Variants in ATP11A observed in about 807,000 individuals in gnomAD.
The protein encoded by ATP11A is ATPase phospholipid transporting 11A, also known as phospholipid-transporting ATPase IH.
ATP11A carries 81 observed loss-of-function variants against 154.4 expected under a neutral mutation model. That is an observed-to-expected ratio of 0.52 (90% CI 0.44 to 0.63). The LOEUF (loss-of-function observed/expected upper bound fraction) is 0.63, where lower values mean the gene tolerates loss of function less well. Ranked by LOEUF, ATP11A falls within the 30% of genes least tolerant of loss-of-function variation. The pLI is 0.00. For missense variants in ATP11A, 1,316 were observed against 1,474.3 expected, an observed-to-expected ratio of 0.89 and a Z score of 1.76; for synonymous variants, 623 against 585.9, an observed-to-expected ratio of 1.06 and a Z score of -0.91.
At chr13:112,845,560 A>T (rs1390639456) in intron 17 of ATP11A, among the ~76,000 whole-genome samples, 14 of 111,870 alleles carry the variant, frequency 1.3e-4, no homozygotes, top group African/African-American at 5.7e-4. Flanking sequence ...AGCGGTACTA[A>T]CCAGTCCAGT....
intron 1 of ATP11A, among the ~76,000 whole-genome samples, chr13:112,740,144 CTCTCTATA>C (rs1195766881): frequency 1.0e-3 from 109 of 107,310 alleles, no homozygotes; most frequent in African/African-American, 3.5e-3. Flanking sequence ...CTCTCTCTCT[CTCTCTATA>C]TATATATATA....
intron 2 of ATP11A, among the ~76,000 whole-genome samples, chr13:112,796,890 G>A (rs2078013428): frequency 6.6e-6 from 1 of 152,112 alleles, no homozygotes; most frequent in Admixed American, 6.5e-5. Flanking sequence ...CTTGAGACAT[G>A]TCCATAGAAA....
chr13:112,840,661 G>T (rs2079387176), intron 16 of ATP11A, among the ~76,000 whole-genome samples: 1 of 151,754 alleles, frequency 6.6e-6, no homozygotes, highest in South Asian at 2.1e-4. Context: ...ATCCTCTCTG[G>T]CTGCAGGTTG....
intron 1 of ATP11A, among the ~76,000 whole-genome samples, chr13:112,777,280 A>G (rs1379823221): frequency 2.0e-5 from 3 of 152,086 alleles, no homozygotes; most frequent in Admixed American, 6.6e-5. Flanking sequence ...AAAAATAACT[A>G]AGGCTGGGCA....
chr13:112,781,974 C>T (rs1450571796), intron 1 of ATP11A, among the ~76,000 whole-genome samples: 10 of 152,146 alleles, frequency 6.6e-5, no homozygotes, highest in Admixed American at 5.2e-4. Flanking sequence ...GTTATGCTGA[C>T]GAGGCCATCA....
At chr13:112,760,140 G>A (rs2076931349) in intron 1 of ATP11A, among the ~76,000 whole-genome samples, 2 of 152,206 alleles carry the variant, frequency 1.3e-5, no homozygotes, top group Non-Finnish European at 2.9e-5. Context: ...TAAACAAAAC[G>A]TGAGTCTTTT....
rs144987655 is a variant in ATP11A, at chr13:112,773,957, C to T, written c.40-11178C>T. 1.6e-3 allele frequency among the ~76,000 whole-genome samples: 243 copies of T among 152,144 alleles called. 2 individuals carry two copies. The highest frequency in any genetic ancestry group is 8.7e-3 in the South Asian group (42 of 4,826). On this transcript the variant is annotated intron_variant, in intron 1 of 29. Transcript: ENST00000375645. ...GCTGCCTTGGGAAGAGAAGGGGTCCCGGAGGAACTCACAGAGCGGTGGAAG... is the reference window on the plus strand; with the variant it reads ...GCTGCCTTGGGAAGAGAAGGGGTCCTGGAGGAACTCACAGAGCGGTGGAAG...
At chr13:112,742,413 G>A (rs1891657300) in intron 1 of ATP11A, among the ~76,000 whole-genome samples, 1 of 152,308 alleles carries the variant, frequency 6.6e-6, no homozygotes, top group East Asian at 1.9e-4. Context: ...GTCTCTGTGG[G>A]AGACTGGGGT....
At chr13:112,842,043 G>A (rs1488397755) in intron 16 of ATP11A, among the ~76,000 whole-genome samples, 1 of 152,180 alleles carries the variant, frequency 6.6e-6, no homozygotes, top group African/African-American at 2.4e-5. Context: ...TCTTTTCCTC[G>A]TTCCTGCCTC....
At chr13:112,874,707 T>A (rs1199178674) in intron 27 of ATP11A, among the ~76,000 whole-genome samples, 1 of 152,168 alleles carries the variant, frequency 6.6e-6, no homozygotes, top group Non-Finnish European at 1.5e-5. Flanking sequence ...TGGCCCCAAG[T>A]TGCATTACAC....
At chr13:112,801,496 A>G (rs1340908507) in intron 2 of ATP11A, among the ~76,000 whole-genome samples, 1 of 152,260 alleles carries the variant, frequency 6.6e-6, no homozygotes, top group Non-Finnish European at 1.5e-5. Flanking sequence ...AGGAAGGAAT[A>G]AGACTATCTT....
rs997078364 is a variant in ATP11A, at chr13:112,852,790, G to C, written c.1992-1489G>C. Among the ~76,000 whole-genome samples the C allele has an allele frequency of 1.2e-4, 18 of 147,586 alleles. No homozygotes were observed. The East Asian group carries it at 3.1e-3, about 25-fold the overall frequency. On this transcript the variant is annotated intron_variant, in intron 18 of 29. Coordinates refer to ENST00000375645, the MANE Select transcript of ATP11A (RefSeq NM_015205.3). ...GAGAGTTAATGCCTGGTTGGCGGGG[G>C]GGGATCTCAGTGGCTTTTTCGTGAT... is the stretch of plus-strand genomic sequence containing the variant.
intron 16 of ATP11A, among the ~76,000 whole-genome samples, chr13:112,837,595 A>C (rs1334253532): frequency 6.6e-6 from 1 of 152,130 alleles, no homozygotes; most frequent in Non-Finnish European, 1.5e-5. Context: ...CTCACTCTTC[A>C]TTGTTTCCTA....
chr13:112,879,112 G>A (rs180677007), intron 29 of ATP11A, among the ~76,000 whole-genome samples: 100 of 152,332 alleles, frequency 6.6e-4, no homozygotes, highest in African/African-American at 2.3e-3. Flanking sequence ...TCTTTTAGCC[G>A]TGTGCTCCTG....
At chr13:112,881,810 C>T (rs757844210) in intron 29 of ATP11A, 66 bp from the exon 30 acceptor site, 6 of 1,367,070 alleles carry the variant, frequency 4.4e-6, no homozygotes, top group Non-Finnish European at 5.9e-6. Flanking sequence ...CTCGTTCTCT[C>T]AGCAGAATGG....
At position 112,858,126 on chromosome 13, in the gene ATP11A, C is replaced by T; in HGVS notation, c.2522-19C>T. 1 of 1,610,808 alleles carries T rather than the reference C, an allele frequency of 6.2e-7. No homozygotes were observed. The highest frequency in any genetic ancestry group is 1.3e-5 in the African/African-American group (1 of 75,006). On this transcript the variant is annotated intron_variant, in intron 21 of 29. Transcript: ENST00000375645. ...TGTGCAGAAAGCATTTCTTCAGCTC[C>T]TTCACCTCCGTCTTCTAGGTGTCAT...
Position 112,859,877 on chromosome 13 carries a change from G to A in ATP11A, c.2728-410G>A, listed in dbSNP as rs928614775. Among the ~76,000 whole-genome samples, 5 of 152,218 alleles carry A rather than the reference G, an allele frequency of 3.3e-5. No homozygotes were observed. The highest frequency in any genetic ancestry group is 2.1e-4 in the South Asian group (1 of 4,830). Reference sequence around the variant, plus strand: ...AGAAGACAGTTCCCATCCGGGAGGGGTGAAGGACTCCCCGGGCATCTGCCC... The same window carrying A: ...AGAAGACAGTTCCCATCCGGGAGGGATGAAGGACTCCCCGGGCATCTGCCC... On this transcript the variant is annotated intron_variant, in intron 23 of 29. Transcript: ENST00000375645. This position sits in a 1 kb window ranked among gnomAD's most constrained non-coding sequence, Gnocchi z 4.3.
intron 1 of ATP11A, among the ~76,000 whole-genome samples, chr13:112,720,778 G>C (rs765011230): frequency 6.6e-6 from 1 of 152,086 alleles, no homozygotes; most frequent in East Asian, 1.9e-4. Context: ...GGCTGGTCTC[G>C]ATCTCTTAAC....
chr13:112,823,285 C>T, intron 8 of ATP11A, 60 bp from the exon 9 acceptor site: 1 of 1,365,422 alleles, frequency 7.3e-7, no homozygotes, highest in South Asian at 1.2e-5. Context: ...TGCCTCTTGC[C>T]CCCCGCCCTG....
Sources: allele counts gnomAD v4.1 joint callset (sites outside exome capture counted in the v4.1 genomes callset), GRCh38; gene constraint gnomAD v4.1.1; non-coding constraint Gnocchi (gnomAD v3.1); transcripts MANE v1.5; gene names NCBI Gene and HGNC (gene_info 2026-07-23, HGNC 2026-07-21).